Variants in TSEN2 observed in about 807,000 individuals in gnomAD.
The protein encoded by TSEN2 is tRNA-splicing endonuclease subunit Sen2.
TSEN2 carries 54 observed loss-of-function variants against 59.2 expected under a neutral mutation model. The ratio of observed to expected loss-of-function variants is 0.91; its 90% CI spans 0.73 to 1.14. TSEN2 has a LOEUF of 1.14. TSEN2 is among the 50% of genes most tolerant of loss of function. TSEN2 has a pLI of 0.00. For synonymous variants in TSEN2, 195 were observed against 198.2 expected, an observed-to-expected ratio of 0.98 and a Z score of 0.14; for missense variants, 636 against 576.2, an observed-to-expected ratio of 1.10 and a Z score of -1.06.
At chr3:12,503,805 C>G (rs1481496299) in intron 5 of TSEN2, 21 bp downstream of exon 5, 4 of 1,609,620 alleles carry the variant, frequency 2.5e-6, no homozygotes, top group Non-Finnish European at 3.4e-6. Flanking sequence ...GAAAATAAAT[C>G]GCTTCCTCCA....
downstream of TSEN2, among the ~76,000 whole-genome samples, chr3:12,535,303 G>C (rs1019281807): frequency 6.6e-6 from 1 of 151,858 alleles, no homozygotes; most frequent in African/African-American, 2.4e-5. Flanking sequence ...CTATAACCGA[G>C]GCCCATTTCT....
At chr3:12,500,197 A>T (rs2054159535) in intron 4 of TSEN2, among the ~76,000 whole-genome samples, 1 of 152,210 alleles carries the variant, frequency 6.6e-6, no homozygotes, top group Non-Finnish European at 1.5e-5. Flanking sequence ...CTGCTCCAGC[A>T]TCTGGGATTG....
At position 12,503,547 on chromosome 3, in the gene TSEN2, C is replaced by T; in HGVS notation, c.594C>T (p.Gly198=). Residue 198 remains glycine, a synonymous_variant, in exon 5 of 12, where the codon GGC becomes GGT. Coordinates refer to ENST00000284995, the MANE Select transcript of TSEN2 (RefSeq NM_025265.4). ...TAGGCTGCCTGCAGGAGGGCTCTGGCTGCCACCCAACAACAGAGAGCTTTG... is the reference window on the plus strand; with the variant it reads ...TAGGCTGCCTGCAGGAGGGCTCTGGTTGCCACCCAACAACAGAGAGCTTTG... ...EPLGCLQEGS[G]CHPTTESFEK... The T allele has an allele frequency of 1.9e-6, 3 of 1,611,450 alleles. No individual in the cohort carries two copies. Among genetic ancestry groups the T allele is most frequent in the Non-Finnish European group, 2.5e-6 (3 of 1,177,868 alleles).
At chr3:12,515,581 A>G (rs1419783901) in intron 6 of TSEN2, among the ~76,000 whole-genome samples, 1 of 152,180 alleles carries the variant, frequency 6.6e-6, no homozygotes, top group Non-Finnish European at 1.5e-5. Context: ...TGTAGACCCT[A>G]AGCGCCCTGG....
upstream of TSEN2, among the ~76,000 whole-genome samples, chr3:12,480,528 G>GTTTTTTTTTTTTTTTTTTTTTTTTTT (rs752340308): frequency 1.9e-4 from 17 of 91,732 alleles, no homozygotes; most frequent in Admixed American, 3.9e-4. Context: ...TTGTTTCTTT[G>GTTTTTTTTTTTTTTTTTTTTTTTTTT]TTTTTTTTTT....
downstream of TSEN2, among the ~76,000 whole-genome samples, chr3:12,536,613 A>G (rs1489699067): frequency 2.0e-5 from 3 of 152,174 alleles, no homozygotes; most frequent in Non-Finnish European, 2.9e-5. Context: ...TCATAATTCT[A>G]CAGACTGAGC....
At chr3:12,539,567 A>G (rs2057762436) in exon 11 of TSEN2, 1 of 161,070 alleles carries the variant, frequency 6.2e-6, no homozygotes. Context: ...TGTTCAGCTC[A>G]CATTAATTTA....
In TSEN2 at chr3:12,532,788, T is replaced by A. The variant is rs190411713; in HGVS notation, c.*67T>A. 51 of 1,490,380 alleles carry A rather than the reference T, an allele frequency of 3.4e-5. No homozygotes were observed. The East Asian group carries it at 1.1e-3, about 33-fold the overall frequency. The allele number at this position is 1,490,380 out of a possible 1,614,324, so 92.3% of individuals were successfully genotyped here. ...TTGAGGGCTAGGTAAAAAGTTCTTT[T>A]TGTTGTAATCGTCCATTAATTCATA... is the stretch of plus-strand genomic sequence containing the variant. On this transcript the variant is annotated 3_prime_UTR_variant, in exon 12 of 12. Transcript: ENST00000284995.
intron 6 of TSEN2, among the ~76,000 whole-genome samples, chr3:12,512,270 T>C (rs1200851072): frequency 6.6e-6 from 1 of 152,226 alleles, no homozygotes; most frequent in African/African-American, 2.4e-5. Context: ...TTTCTGTAAA[T>C]TTAAAATGGA....
At chr3:12,481,955 G>A (rs1559252522), upstream of TSEN2, among the ~76,000 whole-genome samples, 1 of 150,702 alleles carries the variant, frequency 6.6e-6, no homozygotes, top group East Asian at 1.9e-4. Context: ...AGATGCAGAT[G>A]TATTGTAATA....
intron 4 of TSEN2, among the ~76,000 whole-genome samples, chr3:12,501,710 A>C (rs1371563479): frequency 6.6e-6 from 1 of 152,104 alleles, no homozygotes; most frequent in African/African-American, 2.4e-5. Context: ...AGCACTGTTC[A>C]GTCTTCTTAA....
At chr3:12,488,721 C>G (rs932897106) in intron 1 of TSEN2, among the ~76,000 whole-genome samples, 1 of 152,204 alleles carries the variant, frequency 6.6e-6, no homozygotes, top group Non-Finnish European at 1.5e-5. Context: ...GTGCTGGGTG[C>G]ACAGTGGGTA....
Position 12,533,062 on chromosome 3 carries a change from A to G in TSEN2, c.*341A>G, listed in dbSNP as rs1282831732. The G allele has an allele frequency of 1.5e-5, 6 of 394,722 alleles. No homozygotes were observed. The highest frequency in any genetic ancestry group is 1.0e-4 in the African/African-American group (5 of 49,142). 24.5% of individuals were successfully genotyped at this position (394,722 alleles called of 1,614,324 possible). On this transcript the variant is annotated 3_prime_UTR_variant, in exon 12 of 12. Coordinates refer to ENST00000284995, the MANE Select transcript of TSEN2 (RefSeq NM_025265.4). ...CAAGAGACATTTATTCTCTGATTTT[A>G]CCTGAAAATGGTAGTAGTTTACATT... is the stretch of plus-strand genomic sequence containing the variant.
At chr3:12,518,866 G>T (rs192583476) in intron 7 of TSEN2, among the ~76,000 whole-genome samples, 193 bp from the exon 8 acceptor site, 1 of 151,874 alleles carries the variant, frequency 6.6e-6, no homozygotes, top group Non-Finnish European at 1.5e-5. Context: ...CCGAGATCAC[G>T]CCACTGCACT....
In TSEN2 at chr3:12,519,034, T is replaced by A. The variant is rs188443046; in HGVS notation, c.961-25T>A. 30 of 1,613,918 alleles carry A rather than the reference T, an allele frequency of 1.9e-5. No homozygotes were observed. In the Admixed American group the frequency reaches 2.2e-4, roughly 12 times the overall value. Reference sequence around the variant, plus strand: ...AGTGAATGCATACATAGTAATGCTTTTTGTTTTTTTGTAAATAACTTTAGG... The same window carrying A: ...AGTGAATGCATACATAGTAATGCTTATTGTTTTTTTGTAAATAACTTTAGG... On this transcript the variant is annotated intron_variant, in intron 7 of 11. Transcript: ENST00000284995.
At chr3:12,531,424 CCCAGGAGGAA>C in intron 10 of TSEN2, 136 bp from the exon 11 acceptor site, 1 of 629,032 alleles carries the variant, frequency 1.6e-6, no homozygotes, top group East Asian at 2.7e-5. Flanking sequence ...TTATGGTTTC[CCCAGGAGGAA>C]ACTGATGTGC....
At chr3:12,489,752 GTTTC>G (rs759190974) in intron 1 of TSEN2, 28 bp from the exon 2 acceptor site, 7 of 1,585,168 alleles carry the variant, frequency 4.4e-6, no homozygotes, top group East Asian at 4.5e-5. Context: ...TTGATTGTCT[GTTTC>G]TTTCTGTTTG....
At chr3:12,523,558 A>G (rs1343368363) in intron 8 of TSEN2, among the ~76,000 whole-genome samples, 2 of 53,668 alleles carry the variant, frequency 3.7e-5, no homozygotes, top group African/African-American at 7.4e-5. Flanking sequence ...TTTTGAGACA[A>G]AGTCTCACTT....
rs148094883 is a variant in TSEN2 at position 12,527,054 on chromosome 3, G to C, written c.1100-1834G>C. Among the ~76,000 whole-genome samples, 69 of 152,278 alleles carry C rather than the reference G, an allele frequency of 4.5e-4. 2 individuals are homozygous for C. In the East Asian group the frequency reaches 0.012, roughly 26 times the overall value. The stretch of plus-strand genomic sequence containing the variant: ...ACTTGAAGAGGCAAAGATTGGGCAG[G>C]GAACAAAACTCCCAAGTTCACTTTT... On this transcript the variant is annotated intron_variant, in intron 8 of 11. Coordinates refer to ENST00000284995, the MANE Select transcript of TSEN2 (RefSeq NM_025265.4).
Sources: allele counts gnomAD v4.1 joint callset (sites outside exome capture counted in the v4.1 genomes callset), GRCh38; gene constraint gnomAD v4.1.1; transcripts MANE v1.5; gene names NCBI Gene and HGNC (gene_info 2026-07-23, HGNC 2026-07-21).